GPM6A: variants seen among roughly 807,000 people sequenced by gnomAD.
GPM6A encodes the protein glycoprotein M6A, also known as neuronal membrane glycoprotein M6-a.
In GPM6A, 7 loss-of-function variants were observed where a neutral mutation model predicts 32.1. The ratio of observed to expected loss-of-function variants is 0.22; its 90% CI spans 0.12 to 0.41. The LOEUF (loss-of-function observed/expected upper bound fraction) is 0.41. Ranked by LOEUF, GPM6A falls within the 10% of genes least tolerant of loss-of-function variation. The pLI is 1.00. For missense variants in GPM6A, 235 were observed against 347.2 expected (o/e 0.68, Z 2.57); for synonymous variants, 130 against 123.4 (o/e 1.05, Z -0.35).
chr4:175,651,469 G>A (rs1416082408), intron 4 of GPM6A, among the ~76,000 whole-genome samples: 1 of 151,854 alleles, frequency 6.6e-6, no homozygotes, highest in Non-Finnish European at 1.5e-5. Context: ...TTGTAGACTT[G>A]ACATTTTGTG....
intron 2 of GPM6A, among the ~76,000 whole-genome samples, chr4:175,695,274 G>T (rs1382253068): frequency 6.6e-6 from 1 of 152,112 alleles, no homozygotes; most frequent in Non-Finnish European, 1.5e-5. Flanking sequence ...TGTGAAAGAG[G>T]GCTACCATCC....
intron 1 of GPM6A, among the ~76,000 whole-genome samples, chr4:175,766,006 G>C (rs1484051467): frequency 6.6e-6 from 1 of 152,126 alleles, no homozygotes; most frequent in African/African-American, 2.4e-5. Flanking sequence ...CCCAACATTA[G>C]GGTGTCCTTT....
At chr4:175,808,078 G>A (rs1263148699) in intron 1 of GPM6A, among the ~76,000 whole-genome samples, 2 of 152,278 alleles carry the variant, frequency 1.3e-5, no homozygotes, top group South Asian at 2.1e-4. Flanking sequence ...TACAGCCAAA[G>A]CTGCCTCTTT....
chr4:175,693,168 G>A (rs1316332560), intron 2 of GPM6A, among the ~76,000 whole-genome samples: 1 of 151,708 alleles, frequency 6.6e-6, no homozygotes, highest in Non-Finnish European at 1.5e-5. Flanking sequence ...CTAAAGATGA[G>A]CACAGTGAGT....
intron 1 of GPM6A, among the ~76,000 whole-genome samples, chr4:175,893,203 A>T (rs952636783): frequency 2.0e-5 from 3 of 152,196 alleles, no homozygotes; most frequent in African/African-American, 7.2e-5. Flanking sequence ...GTGGGCTGCT[A>T]TCCAGCTTCT....
chr4:175,723,541 T>C (rs1746250588), intron 1 of GPM6A, among the ~76,000 whole-genome samples: 1 of 152,164 alleles, frequency 6.6e-6, no homozygotes, highest in Non-Finnish European at 1.5e-5. Context: ...AAAGGGTATT[T>C]CTGGGGGAGT....
At chr4:175,905,283 A>G (rs1051471564) in intron 1 of GPM6A, among the ~76,000 whole-genome samples, 2 of 152,162 alleles carry the variant, frequency 1.3e-5, no homozygotes, top group African/African-American at 4.8e-5. Context: ...AGCTTGTCCA[A>G]TCCACTGCCT....
chr4:175,670,586 G>A (rs1277132120), intron 3 of GPM6A, among the ~76,000 whole-genome samples: 1 of 152,092 alleles, frequency 6.6e-6, no homozygotes, highest in Non-Finnish European at 1.5e-5. Context: ...AATAAATTTT[G>A]TTACTTAAAA....
At chr4:175,824,460 A>T (rs1735372282) in intron 1 of GPM6A, among the ~76,000 whole-genome samples, 1 of 152,136 alleles carries the variant, frequency 6.6e-6, no homozygotes, top group Admixed American at 6.5e-5. Context: ...GGTAGATGTG[A>T]TTTATTTCCT....
chr4:175,827,627 C>T (rs897777784), intron 1 of GPM6A, among the ~76,000 whole-genome samples: 26 of 152,170 alleles, frequency 1.7e-4, no homozygotes, highest in Admixed American at 3.9e-4. Flanking sequence ...TGGATTATTT[C>T]TCATTGCGCA....
At chr4:175,932,564 A>G (rs1579639610) in intron 1 of GPM6A, among the ~76,000 whole-genome samples, 1 of 152,252 alleles carries the variant, frequency 6.6e-6, no homozygotes, top group African/African-American at 2.4e-5. Context: ...AATATCTTAA[A>G]GGCATTTTCT....
intron 1 of GPM6A, among the ~76,000 whole-genome samples, chr4:175,957,423 A>G (rs900979132): frequency 6.6e-6 from 1 of 152,212 alleles, no homozygotes; most frequent in Non-Finnish European, 1.5e-5. Context: ...ATGCAACAAG[A>G]TGATTACAGT....
intron 1 of GPM6A, among the ~76,000 whole-genome samples, chr4:175,926,273 A>G (rs990463561): frequency 6.6e-6 from 1 of 152,230 alleles, no homozygotes; most frequent in Non-Finnish European, 1.5e-5. Flanking sequence ...ATGCCAAAAA[A>G]TACACTGGCT....
chr4:175,668,351 C>A (rs1183456226), intron 3 of GPM6A, among the ~76,000 whole-genome samples: 1 of 151,720 alleles, frequency 6.6e-6, no homozygotes, highest in African/African-American at 2.4e-5. Context: ...TAAAATATCA[C>A]CCCTATGTTT....
chr4:175,938,086 T>C (rs896208024), intron 1 of GPM6A, among the ~76,000 whole-genome samples: 1 of 152,138 alleles, frequency 6.6e-6, no homozygotes, highest in African/African-American at 2.4e-5. Context: ...GATAAATAAT[T>C]TATTACATTA....
chr4:175,986,720 T>C (rs568415486), intron 1 of GPM6A, among the ~76,000 whole-genome samples: 4 of 152,218 alleles, frequency 2.6e-5, no homozygotes, highest in Admixed American at 1.3e-4. Flanking sequence ...AATTTAAGTA[T>C]CTTATTTCCC....
intron 1 of GPM6A, among the ~76,000 whole-genome samples, chr4:175,835,010 C>T (rs889368530): frequency 6.6e-6 from 1 of 152,170 alleles, no homozygotes; most frequent in Non-Finnish European, 1.5e-5. Flanking sequence ...CCAGCTTCTC[C>T]TGCTGAGCTC....
chr4:175,688,789 A>C (rs1744133070), intron 2 of GPM6A, among the ~76,000 whole-genome samples: 2 of 152,176 alleles, frequency 1.3e-5, no homozygotes, highest in South Asian at 4.1e-4. Context: ...TGTACCAATA[A>C]ATACATACAT....
intron 1 of GPM6A, among the ~76,000 whole-genome samples, chr4:175,730,987 A>T (rs1181854527): frequency 1.3e-5 from 2 of 152,112 alleles, no homozygotes; most frequent in African/African-American, 4.8e-5. Context: ...ACCTCCTGGC[A>T]GTCTGTCGGA....
Sources: gnomAD v4.1 joint callset for allele counts (sites outside exome capture counted in the v4.1 genomes callset) on GRCh38, gnomAD v4.1.1 for gene constraint, MANE v1.5 for transcripts, NCBI Gene and HGNC (gene_info 2026-07-23, HGNC 2026-07-21) for gene names.